Variants in HOMER1 observed in about 807,000 individuals in gnomAD.
The protein encoded by HOMER1 is homer protein homolog 1.
HOMER1 carries 3 observed loss-of-function variants against 48.9 expected under a neutral mutation model. The observed-to-expected ratio is 0.06, with a 90% CI of 0.03 to 0.16. HOMER1 has a LOEUF of 0.16. Ranked by LOEUF, HOMER1 falls within the 10% of genes least tolerant of loss-of-function variation. HOMER1 has a pLI of 1.00. For missense variants in HOMER1, 247 were observed against 411.4 expected (o/e 0.60, Z 3.46); for synonymous variants, 134 against 146.4 (o/e 0.92, Z 0.61).
At chr5:79,500,959 G>GACACACACACACACACACACACAC (rs779298030) in intron 1 of HOMER1, among the ~76,000 whole-genome samples, 2 of 129,946 alleles carry the variant, frequency 1.5e-5, no homozygotes, top group African/African-American at 6.9e-5. Flanking sequence ...GTGTGAGACA[G>GACACACACACACACACACACACAC]ACAGACACAC....
At chr5:79,475,363 T>C (rs1751737296) in intron 1 of HOMER1, among the ~76,000 whole-genome samples, 1 of 151,646 alleles carries the variant, frequency 6.6e-6, no homozygotes, top group South Asian at 2.1e-4. Context: ...TTCGTCGCTG[T>C]CACCAAACTC....
chr5:79,486,947 G>A lies in HOMER1; in HGVS notation c.5+25823C>T, dbSNP rs144603873. 1.1e-3 allele frequency among the ~76,000 whole-genome samples: 171 copies of A among 152,312 alleles called. 2 individuals are homozygous for A. Among genetic ancestry groups the A allele is most frequent in the African/African-American group, 4.0e-3 (168 of 41,576 alleles). ...CATTTGACAGCAAAGTACCCTTTGA[G>A]AATAAAATTAGAAGACCCAAAATGT... On this transcript the variant is annotated intron_variant, in intron 1 of 8. Transcript: ENST00000334082.
chr5:79,494,132 T>TA (rs1389370604), intron 1 of HOMER1, among the ~76,000 whole-genome samples: 4 of 152,200 alleles, frequency 2.6e-5, no homozygotes, highest in Admixed American at 2.6e-4. Flanking sequence ...AGCTGCCCCT[T>TA]AAATGACTAT....
intron 5 of HOMER1, among the ~76,000 whole-genome samples, chr5:79,426,926 C>CTATAATGTA (rs1750273810): frequency 6.6e-6 from 1 of 151,900 alleles, no homozygotes; most frequent in African/African-American, 2.4e-5. Context: ...ATATGTACAA[C>CTATAATGTA]TATAATGTAT....
chr5:79,388,256 G>A (rs1305699649), intron 8 of HOMER1, among the ~76,000 whole-genome samples: 3 of 152,298 alleles, frequency 2.0e-5, no homozygotes, highest in Non-Finnish European at 2.9e-5. Flanking sequence ...ATCTTGCGGG[G>A]TAAAGGGAAA....
At chr5:79,438,110 AAG>A (rs1161499773) in intron 5 of HOMER1, among the ~76,000 whole-genome samples, 2 of 152,238 alleles carry the variant, frequency 1.3e-5, no homozygotes, top group African/African-American at 4.8e-5. Context: ...TCTCATGAGA[AAG>A]AGGGTTGAAG....
At chr5:79,500,200 T>C (rs1561388659) in intron 1 of HOMER1, among the ~76,000 whole-genome samples, 2 of 152,140 alleles carry the variant, frequency 1.3e-5, no homozygotes, top group African/African-American at 2.4e-5. Flanking sequence ...TTATCTCATA[T>C]TGAAAATGTG....
At chr5:79,392,174 T>A (rs1749270040) in intron 8 of HOMER1, among the ~76,000 whole-genome samples, 1 of 152,348 alleles carries the variant, frequency 6.6e-6, no homozygotes, top group East Asian at 1.9e-4. Flanking sequence ...TTTATTACTA[T>A]TCAAGTTATT....
At chr5:79,401,142 T>C (rs561060646) in intron 6 of HOMER1, among the ~76,000 whole-genome samples, 1 of 152,178 alleles carries the variant, frequency 6.6e-6, no homozygotes, top group Middle Eastern at 3.4e-3. Flanking sequence ...ATTTTTCAAA[T>C]TGTTCCTTCT....
At chr5:79,377,467 G>C (rs1411643493) in intron 8 of HOMER1, among the ~76,000 whole-genome samples, 1 of 152,126 alleles carries the variant, frequency 6.6e-6, no homozygotes, top group African/African-American at 2.4e-5. Flanking sequence ...ATCCGTTCTG[G>C]AAAGCTCACT....
intron 1 of HOMER1, among the ~76,000 whole-genome samples, chr5:79,497,451 A>G (rs1371394825): frequency 2.6e-5 from 4 of 152,048 alleles, no homozygotes; most frequent in Admixed American, 6.6e-5. Flanking sequence ...GGATTTCGAG[A>G]CTAGCCTGGC....
intron 1 of HOMER1, among the ~76,000 whole-genome samples, chr5:79,474,636 T>C (rs141310514): frequency 4.6e-5 from 7 of 152,174 alleles, no homozygotes; most frequent in African/African-American, 1.7e-4. Flanking sequence ...CTCAGTTAGA[T>C]TGTTTTCTAC....
chr5:79,395,257 C>T (rs1449563042), intron 8 of HOMER1, among the ~76,000 whole-genome samples: 1 of 152,120 alleles, frequency 6.6e-6, no homozygotes, highest in African/African-American at 2.4e-5. Context: ...AAAGACAAAA[C>T]TTGACTGAAT....
intron 3 of HOMER1, among the ~76,000 whole-genome samples, chr5:79,449,337 G>T (rs558426665): frequency 7.2e-5 from 11 of 152,320 alleles, no homozygotes; most frequent in Admixed American, 3.3e-4. Flanking sequence ...ACTGTTTATG[G>T]AAGGGCAATG....
intron 1 of HOMER1, among the ~76,000 whole-genome samples, chr5:79,498,998 G>A (rs1234069533): frequency 6.6e-6 from 1 of 152,034 alleles, no homozygotes; most frequent in Non-Finnish European, 1.5e-5. Flanking sequence ...ACCATGCCCA[G>A]CTAATTTTTG....
At chr5:79,499,689 A>AC (rs1752522732) in intron 1 of HOMER1, among the ~76,000 whole-genome samples, 1 of 152,250 alleles carries the variant, frequency 6.6e-6, no homozygotes, top group Non-Finnish European at 1.5e-5. Context: ...CAAAAAACTT[A>AC]CAGACCATAC....
At chr5:79,499,935 A>G (rs1223760273) in intron 1 of HOMER1, among the ~76,000 whole-genome samples, 2 of 152,202 alleles carry the variant, frequency 1.3e-5, no homozygotes, top group African/African-American at 4.8e-5. Context: ...TAAACTTTGA[A>G]TAACACCACG....
chr5:79,491,128 T>C (rs1254096172), intron 1 of HOMER1, among the ~76,000 whole-genome samples: 1 of 135,132 alleles, frequency 7.4e-6, no homozygotes, highest in East Asian at 2.3e-4. Flanking sequence ...ATGCTCTTTA[T>C]TTAGAAGTTA....
At chr5:79,401,338 T>C (rs780916067) in intron 6 of HOMER1, among the ~76,000 whole-genome samples, 1 of 152,036 alleles carries the variant, frequency 6.6e-6, no homozygotes, top group Non-Finnish European at 1.5e-5. Flanking sequence ...TACAGAGTAC[T>C]TATTATTCCT....
Sources: gnomAD v4.1 joint callset for allele counts (sites outside exome capture counted in the v4.1 genomes callset) on GRCh38, gnomAD v4.1.1 for gene constraint, MANE v1.5 for transcripts, NCBI Gene and HGNC (gene_info 2026-07-23, HGNC 2026-07-21) for gene names.